Variants in AR observed in about 807,000 individuals in gnomAD.
AR encodes the protein androgen receptor.
In AR, 8 loss-of-function variants were observed where a neutral mutation model predicts 53.9. The ratio of observed to expected loss-of-function variants is 0.15; its 90% CI spans 0.09 to 0.27. The LOEUF is 0.27. Ranked by LOEUF, AR falls within the 10% of genes least tolerant of loss-of-function variation. The pLI, the probability that AR is intolerant of heterozygous loss-of-function variation, is 1.00. For missense variants in AR, 639 were observed against 742.5 expected, an observed-to-expected ratio of 0.86 and a Z score of 1.62; for synonymous variants, 359 against 316.4, an observed-to-expected ratio of 1.13 and a Z score of -1.43.
chrX:67,687,023 A>C (rs1306557813), intron 3 of AR, among the ~76,000 whole-genome samples: 1 of 111,949 alleles, frequency 8.9e-6, no homozygotes, highest in Non-Finnish European at 1.9e-5. Context: ...CAAGATCATT[A>C]ATCCACTTCG....
intron 1 of AR, among the ~76,000 whole-genome samples, chrX:67,640,588 T>C (rs1476032214): frequency 9.0e-6 from 1 of 111,552 alleles, no homozygotes; most frequent in Non-Finnish European, 1.9e-5. Context: ...TTCTAGATTT[T>C]CTATTTTATT....
chrX:67,664,850 C>T (rs776153065), intron 2 of AR, among the ~76,000 whole-genome samples: 3 of 112,658 alleles, frequency 2.7e-5, no homozygotes, highest in Admixed American at 9.3e-5. Flanking sequence ...TGCTGCCTTG[C>T]AGTTTGGTCT....
chrX:67,713,903 C>T (rs2076103109), intron 4 of AR, among the ~76,000 whole-genome samples: 1 of 112,020 alleles, frequency 8.9e-6, no homozygotes, highest in Non-Finnish European at 1.9e-5. Context: ...CAAAAGAAAG[C>T]CAATTACCAC....
intron 2 of AR, among the ~76,000 whole-genome samples, chrX:67,677,700 T>C (rs2075908864): frequency 9.0e-6 from 1 of 111,311 alleles, no homozygotes; most frequent in South Asian, 3.8e-4. Flanking sequence ...GAGAATATAG[T>C]GGGCAGGATA....
intron 2 of AR, among the ~76,000 whole-genome samples, chrX:67,663,262 C>A (rs1385573447): frequency 8.9e-6 from 1 of 111,941 alleles, no homozygotes; most frequent in Admixed American, 9.5e-5. Flanking sequence ...GTGGCTGGTA[C>A]CGGTTGTTCC....
At chrX:67,655,385 C>A (rs2147452945) in intron 2 of AR, among the ~76,000 whole-genome samples, 1 of 111,585 alleles carries the variant, frequency 9.0e-6, no homozygotes, top group African/African-American at 3.3e-5. Flanking sequence ...GTAGCCTCTT[C>A]AACTCCCCCA....
intron 3 of AR, among the ~76,000 whole-genome samples, chrX:67,708,094 T>A (rs1403068495): frequency 2.7e-5 from 3 of 111,726 alleles, no homozygotes; most frequent in Non-Finnish European, 5.6e-5. Context: ...TCATTTCAAC[T>A]TTGGCGAATC....
At chrX:67,719,920 C>A (rs1296117835) in intron 5 of AR, among the ~76,000 whole-genome samples, 1 of 111,983 alleles carries the variant, frequency 8.9e-6, no homozygotes, top group Non-Finnish European at 1.9e-5. Context: ...TCTTCAACAC[C>A]AAGCTCTATT....
chrX:67,698,162 A>G (rs1316304636), intron 3 of AR, among the ~76,000 whole-genome samples: 2 of 112,211 alleles, frequency 1.8e-5, no homozygotes, highest in African/African-American at 6.5e-5. Context: ...ATACATATGT[A>G]AGGAAACTAA....
intron 2 of AR, among the ~76,000 whole-genome samples, chrX:67,664,831 C>T (rs996152865): frequency 1.8e-5 from 2 of 112,625 alleles, no homozygotes; most frequent in South Asian, 7.5e-4. Context: ...ACCCCTCCCC[C>T]AGCCTCGCTG....
chrX:67,693,808 C>G (rs760738773), intron 3 of AR, among the ~76,000 whole-genome samples: 1 of 112,188 alleles, frequency 8.9e-6, no homozygotes, highest in African/African-American at 3.2e-5. Flanking sequence ...CCAGTTCAAC[C>G]TTGTGATACT....
intron 4 of AR, among the ~76,000 whole-genome samples, chrX:67,713,928 T>C (rs777427998): frequency 2.7e-4 from 30 of 112,524 alleles, no homozygotes; most frequent in Non-Finnish European, 5.1e-4. Context: ...ACAAGAACTG[T>C]TCTTCATATT....
rs1037941510 is a variant in AR at position 67,544,058 on chromosome X, G to C, written c.-1089G>C. 1.2e-5 allele frequency: 2 copies of C among 169,456 alleles called. No homozygotes were observed. The highest frequency in any genetic ancestry group is 2.3e-5 in the Non-Finnish European group (2 of 88,447). The allele number at this position is 169,456 out of a possible 1,213,427, so 14.0% of individuals were successfully genotyped here. On this transcript the variant is annotated 5_prime_UTR_variant, in exon 1 of 8. Coordinates refer to ENST00000374690, the MANE Select transcript of AR (RefSeq NM_000044.6). ...GAGATCCCGGGGAGCCAGCTTGCTG[G>C]GAGAGCGGGACGGTCCGGAGCAAGC...
chrX:67,671,990 G>C, intron 2 of AR, among the ~76,000 whole-genome samples: 1 of 110,997 alleles, frequency 9.0e-6, no homozygotes, highest in Non-Finnish European at 1.9e-5. Context: ...ATGCTGTTTT[G>C]GGTACTGTAC....
intron 2 of AR, among the ~76,000 whole-genome samples, chrX:67,668,307 A>G (rs1218511841): frequency 1.8e-5 from 2 of 112,171 alleles, no homozygotes; most frequent in East Asian, 5.6e-4. Flanking sequence ...TTTTCATGCA[A>G]CAATTGAAAT....
chrX:67,708,577 G>A (rs914957967), intron 3 of AR, among the ~76,000 whole-genome samples: 6 of 111,431 alleles, frequency 5.4e-5, no homozygotes, highest in Admixed American at 1.9e-4. Context: ...ACTTCTTTGC[G>A]ATGGGTTCAA....
rs144626640 is a variant in AR at position 67,634,050 on chromosome X, C to T, written c.1617-9206C>T. On this transcript the variant is annotated intron_variant, in intron 1 of 7. Transcript: ENST00000374690. ...GTATGTGAAATATAACTCAGTAAGC[C>T]CATTAAAAACAACCTAATTAAATTA... Among the ~76,000 whole-genome samples, 901 of 110,395 alleles carry T rather than the reference C, an allele frequency of 8.2e-3. 7 individuals are homozygous for T. Among genetic ancestry groups the T allele is most frequent in the African/African-American group, 0.028 (859 of 30,332 alleles).
chrX:67,628,804 A>G (rs1924867826), intron 1 of AR, among the ~76,000 whole-genome samples: 1 of 111,882 alleles, frequency 8.9e-6, no homozygotes, highest in African/African-American at 3.3e-5. Flanking sequence ...ATTTTAAAAT[A>G]CGGCCCATCA....
rs368848666 is a variant in AR at position 67,626,402 on chromosome X, T to C, written c.1617-16854T>C. On this transcript the variant is annotated intron_variant, in intron 1 of 7. Transcript: ENST00000374690. ...TTTCACATAACATAACGAACTCTAGTTCCAACCATGTTGGTGCAAATGACA... is the reference window on the plus strand; with the variant it reads ...TTTCACATAACATAACGAACTCTAGCTCCAACCATGTTGGTGCAAATGACA... Among the ~76,000 whole-genome samples the C allele has an allele frequency of 1.4e-4, 15 of 106,195 alleles. No homozygotes were observed. The East Asian group carries it at 2.9e-3, about 21-fold the overall frequency. 92.2% of individuals were successfully genotyped at this position (106,195 alleles called of 115,157 possible).
Sources: allele counts gnomAD v4.1 joint callset (sites outside exome capture counted in the v4.1 genomes callset), GRCh38; gene constraint gnomAD v4.1.1; transcripts MANE v1.5; gene names NCBI Gene and HGNC (gene_info 2026-07-23, HGNC 2026-07-21).